The following DCC variants were observed in gnomAD, a reference collection of about 807,000 sequenced individuals.
DCC encodes netrin receptor DCC.
DCC carries 58 observed loss-of-function variants against 172.5 expected under a neutral mutation model. The observed-to-expected ratio is 0.34, with a 90% CI of 0.27 to 0.42. DCC has a LOEUF of 0.42. Ranked by LOEUF, DCC falls within the 10% of genes least tolerant of loss-of-function variation. The probability of loss-of-function intolerance (pLI) is 1.00; values close to 1 mark genes in which losing one functional copy is unlikely to be tolerated. For missense variants in DCC, 1,740 were observed against 1,791.0 expected (o/e 0.97, Z 0.51); for synonymous variants, 709 against 644.5 (o/e 1.10, Z -1.52).
At chr18:52,690,734 A>C (rs1158068445) in intron 1 of DCC, among the ~76,000 whole-genome samples, 1 of 152,158 alleles carries the variant, frequency 6.6e-6, no homozygotes, top group African/African-American at 2.4e-5. Flanking sequence ...ACAAAGTATA[A>C]ATCAATGTAT....
At chr18:53,502,207 G>GT (rs926034734) in intron 27 of DCC, among the ~76,000 whole-genome samples, 5 of 152,008 alleles carry the variant, frequency 3.3e-5, no homozygotes, top group South Asian at 4.1e-4. Flanking sequence ...TTGATTTTAT[G>GT]TTTTTTATAG....
intron 1 of DCC, among the ~76,000 whole-genome samples, chr18:52,368,262 T>C (rs572072523): frequency 7.2e-5 from 11 of 152,352 alleles, no homozygotes; most frequent in African/African-American, 2.6e-4. Context: ...ATTGTTTCTT[T>C]CTTTTTTTCA....
intron 12 of DCC, among the ~76,000 whole-genome samples, chr18:53,251,950 G>A (rs1055875827): frequency 6.6e-6 from 1 of 151,918 alleles, no homozygotes; most frequent in Admixed American, 6.6e-5. Flanking sequence ...TTCTGCTGAG[G>A]TCTCTTCATT....
intron 26 of DCC, among the ~76,000 whole-genome samples, chr18:53,487,529 CT>C (rs34404262): frequency 0.1 from 12,252 of 120,180 alleles, 1,466 homozygotes; most frequent in African/African-American, 0.33. Context: ...CCATTTGACT[CT>C]TTTTTTTTTT....
At chr18:53,400,074 A>G (rs1335184364) in intron 18 of DCC, among the ~76,000 whole-genome samples, 2 of 152,160 alleles carry the variant, frequency 1.3e-5, no homozygotes, top group East Asian at 3.9e-4. Flanking sequence ...ATTGTGGTCC[A>G]ATAAAAAAGA....
At chr18:52,478,667 T>TG (rs1461577193) in intron 1 of DCC, among the ~76,000 whole-genome samples, 2 of 152,056 alleles carry the variant, frequency 1.3e-5, no homozygotes, top group Middle Eastern at 3.2e-3. Flanking sequence ...CAGAAAGCCA[T>TG]GGGGGAGCAG....
intron 7 of DCC, among the ~76,000 whole-genome samples, 187 bp downstream of exon 7, chr18:53,066,353 G>GTATATA (rs10526030): frequency 2.9e-3 from 271 of 94,376 alleles, no homozygotes; most frequent in South Asian, 5.1e-3. Context: ...GTACATGTGT[G>GTATATA]TATATATATA....
At chr18:52,813,503 T>C (rs1382067757) in intron 2 of DCC, among the ~76,000 whole-genome samples, 1 of 152,162 alleles carries the variant, frequency 6.6e-6, no homozygotes, top group African/African-American at 2.4e-5. Flanking sequence ...TCACATGGTA[T>C]GGATTAAGGA....
chr18:52,600,812 G>T (rs1223966051), intron 1 of DCC, among the ~76,000 whole-genome samples: 2 of 152,034 alleles, frequency 1.3e-5, no homozygotes, highest in African/African-American at 4.8e-5. Context: ...CTGTGTTCAT[G>T]TTAGGCTTCT....
chr18:53,365,283 A>G (rs2057992628), intron 15 of DCC, among the ~76,000 whole-genome samples: 1 of 151,908 alleles, frequency 6.6e-6, no homozygotes, highest in South Asian at 2.1e-4. Context: ...ATAGTATTCC[A>G]TGGTGCATAT....
At chr18:53,439,354 C>G (rs1039923183) in intron 22 of DCC, among the ~76,000 whole-genome samples, 7 of 152,156 alleles carry the variant, frequency 4.6e-5, no homozygotes, top group African/African-American at 1.7e-4. Flanking sequence ...GTACTTCACC[C>G]TTATAAAGTG....
intron 5 of DCC, among the ~76,000 whole-genome samples, chr18:52,959,179 G>C (rs1053630220): frequency 6.6e-6 from 1 of 152,028 alleles, no homozygotes; most frequent in African/African-American, 2.4e-5. Flanking sequence ...AATAGGTCAA[G>C]AATTGAATCG....
intron 5 of DCC, among the ~76,000 whole-genome samples, chr18:53,039,118 C>T (rs921154115): frequency 3.9e-5 from 6 of 152,002 alleles, no homozygotes; most frequent in African/African-American, 9.7e-5. Flanking sequence ...AGATTTATTA[C>T]ACAAAGTCTG....
intron 1 of DCC, among the ~76,000 whole-genome samples, chr18:52,668,115 C>T (rs566865257): frequency 6.6e-6 from 1 of 151,674 alleles, no homozygotes; most frequent in Non-Finnish European, 1.5e-5. Context: ...GCCAGCTTTC[C>T]GGAAAGTCAG....
At chr18:53,118,176 G>T (rs1788025681) in intron 7 of DCC, among the ~76,000 whole-genome samples, 1 of 151,638 alleles carries the variant, frequency 6.6e-6, no homozygotes, top group Non-Finnish European at 1.5e-5. Context: ...GACAAAGAAG[G>T]CCCCCAATAA....
At chr18:52,400,978 G>T (rs2144374871) in intron 1 of DCC, among the ~76,000 whole-genome samples, 1 of 152,138 alleles carries the variant, frequency 6.6e-6, no homozygotes, top group Non-Finnish European at 1.5e-5. Context: ...AGCATTAGGA[G>T]AAATACCTAA....
chr18:53,131,952 G>GTTTTT (rs1568323077), intron 7 of DCC, among the ~76,000 whole-genome samples: 1 of 68,808 alleles, frequency 1.5e-5, no homozygotes, highest in Non-Finnish European at 2.8e-5. Flanking sequence ...GTCTCTAAGT[G>GTTTTT]ATTTTTTTTT....
chr18:52,443,472 T>TA (rs1207351319), intron 1 of DCC, among the ~76,000 whole-genome samples: 12 of 152,058 alleles, frequency 7.9e-5, no homozygotes, highest in Non-Finnish European at 1.6e-4. Flanking sequence ...CCAACAACAG[T>TA]AAAAAATATT....
chr18:53,368,207 T>C (rs1297137084), intron 15 of DCC, among the ~76,000 whole-genome samples: 1 of 152,166 alleles, frequency 6.6e-6, no homozygotes, highest in Admixed American at 6.6e-5. Flanking sequence ...TGAACTCTTT[T>C]CTTGTACTTA....
Sources: allele counts gnomAD v4.1 joint callset (sites outside exome capture counted in the v4.1 genomes callset), GRCh38; gene constraint gnomAD v4.1.1; transcripts MANE v1.5; gene names NCBI Gene and HGNC (gene_info 2026-07-23, HGNC 2026-07-21).